Variants in NLGN4Y observed in about 807,000 individuals in gnomAD.
The protein encoded by NLGN4Y is neuroligin-4, Y-linked.
In NLGN4Y, 4 loss-of-function variants were observed where a neutral mutation model predicts 8.4. That is an observed-to-expected ratio of 0.48 (90% CI 0.23 to 1.09). The LOEUF is 1.09. Among genes scored for constraint, NLGN4Y ranks in the 50% least tolerant of loss-of-function variants. NLGN4Y has a pLI of 0.19. For synonymous variants in NLGN4Y, 35 were observed against 75.6 expected (o/e 0.46, Z 2.78); for missense variants, 90 against 192.3 (o/e 0.47, Z 3.15).
intron 2 of NLGN4Y, among the ~76,000 whole-genome samples, chrY:14,624,722 G>A (rs1040346537): frequency 3.1e-5 from 1 of 32,563 alleles, no homozygotes; most frequent in Admixed American, 2.8e-4. Context: ...TTGTTTCCTC[G>A]GTTGTTTTTG....
chrY:14,824,148 AT>A (rs2043134402), intron 4 of NLGN4Y, 39 bp from the exon 5 acceptor site: 1 of 388,422 alleles, frequency 2.6e-6, no homozygotes, highest in Non-Finnish European at 3.6e-6. Context: ...TGTGTACACA[AT>A]TTTTTTGACC....
chrY:14,531,480 A>G, intron 1 of NLGN4Y, among the ~76,000 whole-genome samples: 1 of 31,740 alleles, frequency 3.2e-5, no homozygotes, highest in Non-Finnish European at 7.6e-5. Flanking sequence ...ATTTATATAC[A>G]GTTTATATTA....
chrY:14,597,342 G>A (rs974053458), intron 1 of NLGN4Y, among the ~76,000 whole-genome samples: 4 of 32,657 alleles, frequency 1.2e-4, no homozygotes, highest in African/African-American at 2.4e-4. Context: ...GAAGAGGACC[G>A]GAGCGAGTTG....
intron 5 of NLGN4Y, among the ~76,000 whole-genome samples, chrY:14,828,865 G>T (rs2043159274): frequency 9.0e-5 from 3 of 33,356 alleles, no homozygotes; most frequent in Non-Finnish European, 2.2e-4. Flanking sequence ...GTCCTGTTAT[G>T]ATTAAAAATA....
Position 14,830,167 on chromosome Y carries a change from C to T in NLGN4Y, c.1309C>T (p.Arg437Trp). Residue 437 changes from arginine to tryptophan, a missense_variant, in exon 6 of 7, where the codon CGG becomes TGG. Coordinates refer to ENST00000684976, the MANE Select transcript of NLGN4Y (RefSeq NM_001365588.1). ...YGYPEGKDTL[R>W]ETIKFMYTDW... ...CTACCCTGAAGGGAAAGACACTTTG[C>T]GGGAGACTATCAAGTTCATGTACAC... 2.5e-6 allele frequency: 1 copy of T among 394,993 alleles called. No homozygotes were observed. The highest frequency in any genetic ancestry group is 3.6e-6 in the Non-Finnish European group (1 of 280,782).
chrY:14,788,143 C>T (rs2042974124), intron 4 of NLGN4Y, among the ~76,000 whole-genome samples: 1 of 33,732 alleles, frequency 3.0e-5, no homozygotes, highest in Admixed American at 2.7e-4. Context: ...CAAGTTTATC[C>T]GGAGGATTCA....
intron 6 of NLGN4Y, among the ~76,000 whole-genome samples, chrY:14,838,773 C>A (rs2043205761): frequency 3.0e-5 from 1 of 32,923 alleles, no homozygotes; most frequent in Non-Finnish European, 7.4e-5. Flanking sequence ...GCCTGATATT[C>A]TTATTCTCTA....
intron 4 of NLGN4Y, among the ~76,000 whole-genome samples, chrY:14,734,332 G>A (rs1008165171): frequency 1.2e-3 from 39 of 33,141 alleles, no homozygotes; most frequent in Admixed American, 7.2e-3. Context: ...GAGGGCCATG[G>A]GTGGTTTTGG....
chrY:14,591,852 G>A (rs989187938), intron 1 of NLGN4Y, among the ~76,000 whole-genome samples: 5 of 33,343 alleles, frequency 1.5e-4, no homozygotes, highest in South Asian at 6.7e-4. Flanking sequence ...CGTCCTGTTA[G>A]GGTACTTTTG....
At chrY:14,775,701 G>T (rs1293431044) in intron 4 of NLGN4Y, among the ~76,000 whole-genome samples, 1 of 33,256 alleles carries the variant, frequency 3.0e-5, no homozygotes, top group Non-Finnish European at 7.4e-5. Context: ...CAAATGCCCA[G>T]TGGAGGGTTT....
chrY:14,609,545 T>G, intron 1 of NLGN4Y, among the ~76,000 whole-genome samples: 2 of 33,836 alleles, frequency 5.9e-5, no homozygotes, highest in Admixed American at 2.7e-4. Flanking sequence ...ACCAGCCTTG[T>G]ATCCCAAGGG....
intron 1 of NLGN4Y, among the ~76,000 whole-genome samples, chrY:14,565,959 G>A: frequency 3.0e-5 from 1 of 33,150 alleles, no homozygotes; most frequent in African/African-American, 1.2e-4. Flanking sequence ...ATCCTTTACA[G>A]ACAAGCATAG....
chrY:14,654,740 C>T (rs2080643299), intron 2 of NLGN4Y, among the ~76,000 whole-genome samples: 2 of 32,357 alleles, frequency 6.2e-5, no homozygotes, highest in African/African-American at 2.4e-4. Flanking sequence ...CCACAATTTT[C>T]CTCAGAATAA....
At chrY:14,570,600 T>G in intron 1 of NLGN4Y, among the ~76,000 whole-genome samples, 1 of 33,040 alleles carries the variant, frequency 3.0e-5, no homozygotes. Context: ...ATTTATTTAT[T>G]TATTTTTATT....
At chrY:14,729,292 G>T (rs2080964491) in intron 4 of NLGN4Y, among the ~76,000 whole-genome samples, 1 of 33,193 alleles carries the variant, frequency 3.0e-5, no homozygotes, top group Non-Finnish European at 7.5e-5. Context: ...TTCATTTGAT[G>T]GACATTTGGG....
rs763923414 is a variant in NLGN4Y at position 14,759,455 on chromosome Y, C to T, written c.685+36186C>T. 3.7e-4 allele frequency among the ~76,000 whole-genome samples: 12 copies of T among 32,626 alleles called. No individual in the cohort carries two copies. In the South Asian group the frequency reaches 8.6e-3, roughly 23 times the overall value. The allele number at this position is 32,626 out of a possible 37,273, so 87.5% of individuals were successfully genotyped here. A position where few individuals can be genotyped will look rare whatever the true frequency, so the allele number is the denominator to read the frequency against. On this transcript the variant is annotated intron_variant, in intron 4 of 6. Coordinates refer to ENST00000684976, the MANE Select transcript of NLGN4Y (RefSeq NM_001365588.1). ...AGCTGGGACTACAGGCGCCCGCCAC[C>T]ACGCCGGGCTAATTTTTTGTATTTT...
intron 1 of NLGN4Y, among the ~76,000 whole-genome samples, chrY:14,595,877 G>A (rs2080395500): frequency 9.1e-5 from 3 of 33,018 alleles, no homozygotes; most frequent in African/African-American, 2.4e-4. Context: ...CCTTACTGAC[G>A]CAATGTTGAA....
At chrY:14,601,279 T>G in intron 1 of NLGN4Y, among the ~76,000 whole-genome samples, 2 of 29,454 alleles carry the variant, frequency 6.8e-5, no homozygotes, top group African/African-American at 1.3e-4. Context: ...TTTTTGGTGG[T>G]TTTTTTTTGT....
At chrY:14,783,756 A>C in intron 4 of NLGN4Y, among the ~76,000 whole-genome samples, 3 of 33,688 alleles carry the variant, frequency 8.9e-5, no homozygotes, top group Non-Finnish European at 1.5e-4. Flanking sequence ...ACATACAAAC[A>C]TGTGTGCATA....
Sources: gnomAD v4.1 joint callset for allele counts (sites outside exome capture counted in the v4.1 genomes callset) on GRCh38, gnomAD v4.1.1 for gene constraint, MANE v1.5 for transcripts, NCBI Gene and HGNC (gene_info 2026-07-23, HGNC 2026-07-21) for gene names.